Variants in CIRSR observed in about 807,000 individuals in gnomAD.
The protein encoded by CIRSR is corepressor of RBPJ and splicing regulator, also known as CBF1 (RBPJ) interacting corepressor 1.
chr2:174,366,077 TC>T, the CIRSR span, among the ~76,000 whole-genome samples: 1 of 152,338 alleles, frequency 6.6e-6, no homozygotes, highest in African/African-American at 2.4e-5. Flanking sequence ...CTTAGATTAG[TC>T]GTAAATTCAT....
chr2:174,387,580 A>G, the CIRSR span: 2 of 1,226,580 alleles, frequency 1.6e-6, no homozygotes, highest in Non-Finnish European at 2.2e-6. Context: ...GAATCCTATA[A>G]TTGGGTATTT....
the CIRSR span, among the ~76,000 whole-genome samples, chr2:174,390,175 C>G: frequency 6.6e-6 from 1 of 152,220 alleles, no homozygotes; most frequent in Non-Finnish European, 1.5e-5. Context: ...ACACTCAACA[C>G]CAGCCCATGA....
chr2:174,386,586 G>A, the CIRSR span, among the ~76,000 whole-genome samples: 3 of 152,242 alleles, frequency 2.0e-5, no homozygotes, highest in South Asian at 4.1e-4. Context: ...GGCATCCATA[G>A]TCTCCACCCA....
the CIRSR span, among the ~76,000 whole-genome samples, chr2:174,383,632 A>G: frequency 0.3 from 44,695 of 150,172 alleles, 8,251 homozygotes; most frequent in East Asian, 0.7. Context: ...AGGCACAAAA[A>G]TCGCTTGAAC....
At chr2:174,349,134 T>A in the CIRSR span, 8 of 1,490,894 alleles carry the variant, frequency 5.4e-6, no homozygotes, top group Admixed American at 1.7e-4. Context: ...CTTTTTTCTA[T>A]CTTTTTTCTT....
the CIRSR span, among the ~76,000 whole-genome samples, chr2:174,362,849 T>TA: frequency 6.6e-6 from 1 of 152,006 alleles, no homozygotes; most frequent in Non-Finnish European, 1.5e-5. Flanking sequence ...TAGGAATACT[T>TA]AGAGTAATTT....
chr2:174,389,043 T>C, the CIRSR span, among the ~76,000 whole-genome samples: 1 of 152,238 alleles, frequency 6.6e-6, no homozygotes, highest in Non-Finnish European at 1.5e-5. Context: ...CTTTATAAAT[T>C]ACTCAGTCTT....
chr2:174,350,825 T>A, the CIRSR span: 3 of 1,034,434 alleles, frequency 2.9e-6, no homozygotes, highest in East Asian at 7.5e-5. Context: ...CATTTATAAA[T>A]AAGTTTTGTA....
At chr2:174,379,065 G>C in the CIRSR span, 1 of 1,532,864 alleles carries the variant, frequency 6.5e-7, no homozygotes, top group Non-Finnish European at 9.0e-7. Context: ...ATGTGATTTT[G>C]GTTACTAAAA....
At chr2:174,381,693 A>G in the CIRSR span, 2 of 1,569,420 alleles carry the variant, frequency 1.3e-6, no homozygotes, top group Admixed American at 2.0e-5. Context: ...GAAACGGAAG[A>G]AGATAAGTAC....
At chr2:174,361,522 G>C in the CIRSR span, among the ~76,000 whole-genome samples, 1 of 152,182 alleles carries the variant, frequency 6.6e-6, no homozygotes, top group South Asian at 2.1e-4. Context: ...CCTTCAACAC[G>C]AAAGGTTTAT....
chr2:174,393,017 A>G, the CIRSR span, among the ~76,000 whole-genome samples: 3 of 152,244 alleles, frequency 2.0e-5, no homozygotes, highest in South Asian at 2.1e-4. Flanking sequence ...GGGAACACTT[A>G]TATTTTAGGA....
At chr2:174,357,127 A>G in the CIRSR span, among the ~76,000 whole-genome samples, 1 of 152,190 alleles carries the variant, frequency 6.6e-6, no homozygotes. Context: ...CTTTTAATCT[A>G]AAACATTTAC....
At chr2:174,348,374 GCTT>G in the CIRSR span, 1 of 1,436,678 alleles carries the variant, frequency 7.0e-7, no homozygotes, top group Non-Finnish European at 9.2e-7. Flanking sequence ...TTAAAATTGA[GCTT>G]TTTTATTAGA....
chr2:174,393,013 A>G, the CIRSR span, among the ~76,000 whole-genome samples: 4 of 152,226 alleles, frequency 2.6e-5, no homozygotes, highest in Non-Finnish European at 5.9e-5. Context: ...TCTGGGGAAC[A>G]CTTATATTTT....
the CIRSR span, chr2:174,387,747 A>G: frequency 1.3e-6 from 2 of 1,598,368 alleles, no homozygotes; most frequent in Non-Finnish European, 1.7e-6. Flanking sequence ...GTTTCTTCTT[A>G]TCATATGATA....
At chr2:174,393,288 A>T in the CIRSR span, among the ~76,000 whole-genome samples, 1 of 152,230 alleles carries the variant, frequency 6.6e-6, no homozygotes, top group African/African-American at 2.4e-5. Context: ...ACAGCTGAAC[A>T]AAACAGTGTA....
chr2:174,350,003 T>C, the CIRSR span, among the ~76,000 whole-genome samples: 1 of 152,226 alleles, frequency 6.6e-6, no homozygotes, highest in Non-Finnish European at 1.5e-5. Flanking sequence ...ATAATATAGT[T>C]AATACTTGTT....
At chr2:174,377,618 G>A in the CIRSR span, among the ~76,000 whole-genome samples, 1 of 151,752 alleles carries the variant, frequency 6.6e-6, no homozygotes, top group Non-Finnish European at 1.5e-5. Context: ...AGGAGTTCAA[G>A]ACCAGCCTAG....
Sources: gnomAD v4.1 joint callset for allele counts (sites outside exome capture counted in the v4.1 genomes callset) on GRCh38, gnomAD v4.1.1 for gene constraint, MANE v1.5 for transcripts, NCBI Gene and HGNC (gene_info 2026-07-23, HGNC 2026-07-21) for gene names.